The following ASIC2 variants were observed in gnomAD, a reference collection of about 807,000 sequenced individuals.
The protein encoded by ASIC2 is acid sensing ion channel subunit 2, also known as acid-sensing ion channel 2.
Under a neutral mutation model 57.3 loss-of-function variants are expected in ASIC2, and 25 were observed. That is an observed-to-expected ratio of 0.44 (90% confidence interval 0.32 to 0.61). The LOEUF is 0.61. ASIC2 is among the 20% of genes least tolerant of loss of function. ASIC2 has a pLI of 0.06. For missense variants in ASIC2, 641 were observed against 738.1 expected (o/e 0.87, Z 1.52); for synonymous variants, 319 against 307.5 (o/e 1.04, Z -0.39).
At chr17:33,129,850 A>G (rs2092338220) in intron 1 of ASIC2, among the ~76,000 whole-genome samples, 1 of 152,176 alleles carries the variant, frequency 6.6e-6, no homozygotes, top group African/African-American at 2.4e-5. Flanking sequence ...GGAGGTCATT[A>G]GTGGGAGGGT....
chr17:34,086,549 T>C (rs1387476471), intron 1 of ASIC2, among the ~76,000 whole-genome samples: 3 of 152,158 alleles, frequency 2.0e-5, no homozygotes, highest in East Asian at 1.9e-4. Flanking sequence ...TAGATGTCTA[T>C]TAGGTCCGCT....
chr17:33,585,663 A>G (rs1290737334), intron 1 of ASIC2, among the ~76,000 whole-genome samples: 2 of 152,222 alleles, frequency 1.3e-5, no homozygotes, highest in East Asian at 3.9e-4. Context: ...TGCAGGGAAT[A>G]TAAATAAGAC....
chr17:33,062,018 C>T (rs1222238901), intron 3 of ASIC2, among the ~76,000 whole-genome samples: 1 of 152,104 alleles, frequency 6.6e-6, no homozygotes, highest in Admixed American at 6.5e-5. Context: ...TCCCCTTTAT[C>T]ATTTTTTATT....
chr17:34,020,498 A>G (rs988807100), intron 1 of ASIC2, among the ~76,000 whole-genome samples: 1 of 152,192 alleles, frequency 6.6e-6, no homozygotes, highest in Non-Finnish European at 1.5e-5. Context: ...TTCACATGAG[A>G]TCTTGAAAGC....
At chr17:33,082,713 TAAATAAATA>T (rs1240221742) in intron 3 of ASIC2, among the ~76,000 whole-genome samples, 1 of 149,850 alleles carries the variant, frequency 6.7e-6, no homozygotes, top group Non-Finnish European at 1.5e-5. Context: ...AATAAATAAA[TAAATAAATA>T]AATAAATAAA....
chr17:34,003,725 C>T (rs905997901), intron 1 of ASIC2: 4 of 152,118 alleles, frequency 2.6e-5, no homozygotes, highest in African/African-American at 9.7e-5. Flanking sequence ...TATACATTAT[C>T]AGTGCTATAA....
chr17:33,193,494 A>G (rs1906508976), intron 1 of ASIC2, among the ~76,000 whole-genome samples: 1 of 152,140 alleles, frequency 6.6e-6, no homozygotes, highest in Non-Finnish European at 1.5e-5. Context: ...CTTAATGGCC[A>G]GCTTCTCTGT....
At chr17:34,155,922 C>A in intron 1 of ASIC2, 1 of 1,535,622 alleles carries the variant, frequency 6.5e-7, no homozygotes, top group South Asian at 1.3e-5. Flanking sequence ...AGGAGACCAC[C>A]GGCGCACCAC....
At chr17:33,662,313 G>T (rs1365546096) in intron 1 of ASIC2, among the ~76,000 whole-genome samples, 2 of 151,974 alleles carry the variant, frequency 1.3e-5, no homozygotes, top group Non-Finnish European at 2.9e-5. Context: ...TTTAGAGCAG[G>T]GTCTGATAAA....
chr17:33,579,411 T>C (rs886358441), intron 1 of ASIC2, among the ~76,000 whole-genome samples: 16 of 151,666 alleles, frequency 1.1e-4, no homozygotes. Flanking sequence ...GAGGGGAAGG[T>C]AGAAAACAAG....
At chr17:33,972,676 G>T (rs449522) in intron 1 of ASIC2, among the ~76,000 whole-genome samples, 59 of 152,218 alleles carry the variant, frequency 3.9e-4, no homozygotes, top group African/African-American at 1.4e-3. Flanking sequence ...CACACATCAC[G>T]CCTTACTAAG....
intron 1 of ASIC2, among the ~76,000 whole-genome samples, chr17:33,540,826 G>A (rs1365578103): frequency 6.6e-6 from 1 of 152,180 alleles, no homozygotes; most frequent in African/African-American, 2.4e-5. Context: ...AACACATTTA[G>A]GTCAGTTATT....
At chr17:33,384,219 A>T (rs970270468) in intron 1 of ASIC2, among the ~76,000 whole-genome samples, 2 of 152,232 alleles carry the variant, frequency 1.3e-5, no homozygotes, top group African/African-American at 4.8e-5. Flanking sequence ...ATAGGCACTT[A>T]AGAAGGAACA....
At chr17:33,584,318 G>A (rs1166431060) in intron 1 of ASIC2, among the ~76,000 whole-genome samples, 1 of 152,208 alleles carries the variant, frequency 6.6e-6, no homozygotes, top group Admixed American at 6.5e-5. Flanking sequence ...GGGGCTGGAA[G>A]CTGGTTCTTA....
chr17:34,074,235 T>C (rs1367047009), intron 1 of ASIC2, among the ~76,000 whole-genome samples: 1 of 152,170 alleles, frequency 6.6e-6, no homozygotes, highest in Non-Finnish European at 1.5e-5. Context: ...TGAGAACCAC[T>C]GGCTAGGATC....
At chr17:34,155,590 C>T (rs879703670) in intron 1 of ASIC2, 14 of 212,154 alleles carry the variant, frequency 6.6e-5, no homozygotes, top group East Asian at 2.8e-4. Flanking sequence ...CACACGCACA[C>T]GCACACACAC....
chr17:33,701,120 T>C (rs1908684069), intron 1 of ASIC2, among the ~76,000 whole-genome samples: 1 of 152,196 alleles, frequency 6.6e-6, no homozygotes, highest in South Asian at 2.1e-4. Context: ...TAGAACACAT[T>C]ATTTTTGATA....
At chr17:33,451,813 T>C (rs933562936) in intron 1 of ASIC2, among the ~76,000 whole-genome samples, 2 of 152,214 alleles carry the variant, frequency 1.3e-5, no homozygotes, top group South Asian at 4.1e-4. Flanking sequence ...CTATACCCCA[T>C]AGCACCCTAC....
rs964309805 is a variant in ASIC2, at chr17:33,397,802, C to T, written c.556-285735G>A. On this transcript the variant is annotated intron_variant, in intron 1 of 9. Coordinates refer to the ASIC2 transcript ENST00000359872. ...AGGAGCCCCATTGGGCATTTTCCAT[C>T]TTCCACTTCTACAACACTTTGATTT... 1.3e-4 allele frequency among the ~76,000 whole-genome samples: 20 copies of T among 152,236 alleles called. No individual in the cohort carries two copies. The East Asian group carries it at 2.7e-3, about 21-fold the overall frequency.
Sources: allele counts gnomAD v4.1 joint callset (sites outside exome capture counted in the v4.1 genomes callset), GRCh38; gene constraint gnomAD v4.1.1; transcripts MANE v1.5; gene names NCBI Gene and HGNC (gene_info 2026-07-23, HGNC 2026-07-21).